APP: variants seen among roughly 807,000 people sequenced by gnomAD.
APP encodes the protein amyloid beta precursor protein.
APP carries 31 observed loss-of-function variants against 101.4 expected under a neutral mutation model. The ratio of observed to expected loss-of-function variants is 0.31; its 90% CI spans 0.23 to 0.41. The LOEUF is 0.41. APP is among the 10% of genes least tolerant of loss of function. The pLI is 1.00. For synonymous variants in APP, 366 were observed against 364.4 expected (o/e 1.00, Z -0.05); for missense variants, 839 against 1,003.7 (o/e 0.84, Z 2.22).
intron 6 of APP, among the ~76,000 whole-genome samples, chr21:26,016,730 C>A (rs1476193138): frequency 2.0e-5 from 3 of 152,200 alleles, no homozygotes; most frequent in Non-Finnish European, 4.4e-5. Flanking sequence ...TGCCACCACA[C>A]CTGGCTAATT....
chr21:25,969,167 G>A (rs1257876380), intron 11 of APP, among the ~76,000 whole-genome samples: 4 of 148,684 alleles, frequency 2.7e-5, no homozygotes, highest in South Asian at 2.1e-4. Context: ...GTGAAAGCCC[G>A]TCTCTACTAA....
At chr21:26,054,754 T>C (rs2045976128) in intron 3 of APP, among the ~76,000 whole-genome samples, 3 of 145,934 alleles carry the variant, frequency 2.1e-5, no homozygotes, top group South Asian at 4.4e-4. Context: ...CATGCAAGAA[T>C]AGACATAAAC....
intron 1 of APP, among the ~76,000 whole-genome samples, chr21:26,150,945 A>C (rs918734537): frequency 6.6e-6 from 1 of 152,176 alleles, no homozygotes; most frequent in Non-Finnish European, 1.5e-5. Flanking sequence ...CTTTGCTCCA[A>C]ATACCTATAA....
chr21:25,904,188 A>G (rs1263337785), intron 15 of APP, among the ~76,000 whole-genome samples: 2 of 152,240 alleles, frequency 1.3e-5, no homozygotes, highest in East Asian at 1.9e-4. Context: ...AAATTTGTCA[A>G]TTCAATAACT....
chr21:26,113,315 A>C (rs2062368855), intron 1 of APP, among the ~76,000 whole-genome samples: 1 of 152,226 alleles, frequency 6.6e-6, no homozygotes, highest in Non-Finnish European at 1.5e-5. Context: ...AAAAACACCA[A>C]CTAAAATTGC....
At chr21:26,010,636 C>T (rs1345915397) in intron 6 of APP, among the ~76,000 whole-genome samples, 3 of 151,478 alleles carry the variant, frequency 2.0e-5, no homozygotes, top group South Asian at 2.1e-4. Flanking sequence ...ATGGTGAAAC[C>T]CTGTCTCTAC....
intron 2 of APP, among the ~76,000 whole-genome samples, chr21:26,103,899 C>T (rs2062121248): frequency 6.6e-6 from 1 of 152,236 alleles, no homozygotes; most frequent in African/African-American, 2.4e-5. Flanking sequence ...ACAGAAGCCA[C>T]AGTAGGTCTT....
At chr21:26,021,031 C>T (rs947223795) in intron 6 of APP, among the ~76,000 whole-genome samples, 4 of 149,048 alleles carry the variant, frequency 2.7e-5, no homozygotes, top group Non-Finnish European at 4.4e-5. Flanking sequence ...TAAAATAATG[C>T]GATACTCACC....
chr21:25,895,802 C>G (rs919351072), intron 16 of APP, among the ~76,000 whole-genome samples: 16 of 152,144 alleles, frequency 1.1e-4, no homozygotes, highest in Admixed American at 3.3e-4. Context: ...CATTAATTAG[C>G]TAATATACTA....
chr21:25,935,943 A>G (rs929484071), intron 13 of APP, among the ~76,000 whole-genome samples: 3 of 151,686 alleles, frequency 2.0e-5, no homozygotes, highest in African/African-American at 7.2e-5. Flanking sequence ...GGCCGAGTTT[A>G]GGCTGCCAGA....
intron 2 of APP, among the ~76,000 whole-genome samples, chr21:26,096,139 C>A (rs117826941): frequency 6.6e-6 from 1 of 152,198 alleles, no homozygotes; most frequent in Non-Finnish European, 1.5e-5. Context: ...AATGCCTACG[C>A]CCATTAGGGT....
At chr21:26,097,230 A>G (rs1028544671) in intron 2 of APP, among the ~76,000 whole-genome samples, 4 of 152,046 alleles carry the variant, frequency 2.6e-5, no homozygotes, top group Non-Finnish European at 5.9e-5. Flanking sequence ...ACTTTATCTG[A>G]TCCCTGACCA....
intron 2 of APP, among the ~76,000 whole-genome samples, chr21:26,102,162 C>A (rs1334407443): frequency 6.9e-6 from 1 of 144,168 alleles, no homozygotes; most frequent in East Asian, 2.1e-4. Context: ...GATCTCGGCT[C>A]ACCGCAAGCT....
chr21:26,151,244 G>A (rs1450037442), intron 1 of APP, among the ~76,000 whole-genome samples: 1 of 117,202 alleles, frequency 8.5e-6, no homozygotes, highest in Non-Finnish European at 1.8e-5. Context: ...ATTTATATCC[G>A]TGTAATCATG....
At chr21:25,973,496 G>A (rs889125917) in intron 11 of APP, among the ~76,000 whole-genome samples, 1 of 152,142 alleles carries the variant, frequency 6.6e-6, no homozygotes, top group East Asian at 1.9e-4. Flanking sequence ...CATAAGAAGA[G>A]GCTCAAGGAG....
chr21:26,151,902 A>C (rs1311395211), intron 1 of APP, among the ~76,000 whole-genome samples: 3 of 152,148 alleles, frequency 2.0e-5, no homozygotes, highest in African/African-American at 7.2e-5. Flanking sequence ...AATAATTAAA[A>C]TATTACCTGA....
intron 6 of APP, 135 bp downstream of exon 6, chr21:26,021,705 C>A (rs1255345760): frequency 7.7e-7 from 1 of 1,291,920 alleles, no homozygotes; most frequent in African/African-American, 1.5e-5. Flanking sequence ...ATTTCACAAG[C>A]ATAAGAAGCC....
chr21:25,952,187 T>TATACAC (rs1555901886), intron 13 of APP, among the ~76,000 whole-genome samples: 31 of 111,198 alleles, frequency 2.8e-4, no homozygotes, highest in African/African-American at 8.7e-4. Flanking sequence ...GCATATTACA[T>TATACAC]ACATACACAC....
intron 6 of APP, among the ~76,000 whole-genome samples, chr21:26,011,595 C>T (rs1023138046): frequency 6.6e-6 from 1 of 152,058 alleles, no homozygotes; most frequent in African/African-American, 2.4e-5. Flanking sequence ...CCCAAAACAT[C>T]AATAGTACTA....
Sources: gnomAD v4.1 joint callset for allele counts (sites outside exome capture counted in the v4.1 genomes callset) on GRCh38, gnomAD v4.1.1 for gene constraint, MANE v1.5 for transcripts, NCBI Gene and HGNC (gene_info 2026-07-23, HGNC 2026-07-21) for gene names.